Variants in DAB2IP observed in about 807,000 individuals in gnomAD.
DAB2IP encodes the protein disabled homolog 2-interacting protein.
Under a neutral mutation model 107.2 loss-of-function variants are expected in DAB2IP, and 28 were observed. The observed-to-expected ratio is 0.26, with a 90% confidence interval of 0.19 to 0.36. The LOEUF (loss-of-function observed/expected upper bound fraction) is 0.36. DAB2IP is among the 10% of genes least tolerant of loss of function. DAB2IP has a pLI of 1.00. For missense variants in DAB2IP, 1,400 were observed against 1,644.7 expected (o/e 0.85, Z 2.57); for synonymous variants, 755 against 706.4 (o/e 1.07, Z -1.09).
chr9:121,782,781 T>G lies in DAB2IP; in HGVS notation c.*283T>G. The G allele has an allele frequency of 7.8e-7, 1 of 1,279,380 alleles. No homozygotes were observed. Among genetic ancestry groups the G allele is most frequent in the Non-Finnish European group, 9.9e-7 (1 of 1,007,950 alleles). The allele number at this position is 1,279,380 out of a possible 1,614,324, so 79.3% of individuals were successfully genotyped here. A position where few individuals can be genotyped will look rare whatever the true frequency, so the allele number is the denominator to read the frequency against. On this transcript the variant is annotated 3_prime_UTR_variant, in exon 16 of 16. Coordinates refer to ENST00000408936, the Ensembl canonical transcript of DAB2IP. The surrounding 1 kb of genome is among the most constrained non-coding windows in gnomAD (Gnocchi z 6.1). ...GATGGGGCAGGGGGCCTGCCAAAAA[T>G]ATGTCTGTTGGTTCCTGAATGTGGT... is the stretch of plus-strand genomic sequence containing the variant.
At chr9:121,716,500 C>G (rs1830611072) in intron 3 of DAB2IP, among the ~76,000 whole-genome samples, 1 of 152,252 alleles carries the variant, frequency 6.6e-6, no homozygotes, top group South Asian at 2.1e-4. Context: ...GTTGCAGAGC[C>G]CAGCTCTTTG....
chr9:121,708,534 G>C (rs1830171025), intron 3 of DAB2IP, among the ~76,000 whole-genome samples: 1 of 152,216 alleles, frequency 6.6e-6, no homozygotes, highest in African/African-American at 2.4e-5. Context: ...GCATTTTGCA[G>C]CTGTGGTGGG....
chr9:121,574,357 A>G (rs10985323), intron 1 of DAB2IP, among the ~76,000 whole-genome samples: 4,076 of 152,176 alleles, frequency 0.027, 65 homozygotes, highest in South Asian at 0.043. Flanking sequence ...GCCTGCCTGG[A>G]ATGGGGAAGG....
chr9:121,642,994 G>A (rs1832415716), intron 1 of DAB2IP, among the ~76,000 whole-genome samples: 1 of 150,252 alleles, frequency 6.7e-6, no homozygotes, highest in African/African-American at 2.4e-5. Context: ...GAGGCAGCAG[G>A]AACTGGAGAT....
intron 3 of DAB2IP, among the ~76,000 whole-genome samples, chr9:121,704,422 C>G (rs906284055): frequency 6.6e-6 from 1 of 152,126 alleles, no homozygotes; most frequent in Non-Finnish European, 1.5e-5. Context: ...TGTTGGTGAT[C>G]GAATAGTGCT....
chr9:121,674,550 G>T (rs1359030617), intron 1 of DAB2IP, among the ~76,000 whole-genome samples: 1 of 152,180 alleles, frequency 6.6e-6, no homozygotes, highest in African/African-American at 2.4e-5. Context: ...AGGTGGAGGG[G>T]TGTAGCCAGG....
At chr9:121,724,872 G>A (rs1831144654) in intron 3 of DAB2IP, among the ~76,000 whole-genome samples, 1 of 152,162 alleles carries the variant, frequency 6.6e-6, no homozygotes, top group African/African-American at 2.4e-5. Context: ...GCCCAAAAAG[G>A]TGGGTAGGAT....
At chr9:121,644,886 G>A (rs1020703850) in intron 1 of DAB2IP, among the ~76,000 whole-genome samples, 7 of 152,192 alleles carry the variant, frequency 4.6e-5, no homozygotes, top group African/African-American at 1.7e-4. Context: ...TACAGGGCCC[G>A]TTCAGCTGTC....
Position 121,592,570 on chromosome 9 carries a change from G to T in DAB2IP, c.40+25342G>T, listed in dbSNP as rs1054167028. Among the ~76,000 whole-genome samples, 3 of 152,140 alleles carry T rather than the reference G, an allele frequency of 2.0e-5. No homozygotes were observed. In the East Asian group the frequency reaches 5.8e-4, roughly 29 times the overall value. The stretch of plus-strand genomic sequence containing the variant: ...CATTGGAACCCTTGAAGTACATGTT[G>T]TTCTTTTCCAGTGACCATATAGCCC... On this transcript the variant is annotated intron_variant, in intron 1 of 16. Transcript: ENST00000259371.
chr9:121,750,132 GT>G (rs1432825959), intron 3 of DAB2IP, among the ~76,000 whole-genome samples: 1 of 152,214 alleles, frequency 6.6e-6, no homozygotes, highest in Non-Finnish European at 1.5e-5. Context: ...AGGAAGGTGT[GT>G]CGTTATCCTC....
chr9:121,569,800 G>A (rs1042791398), intron 1 of DAB2IP, among the ~76,000 whole-genome samples: 1 of 152,224 alleles, frequency 6.6e-6, no homozygotes, highest in Non-Finnish European at 1.5e-5. Context: ...CAGCCTGGGC[G>A]ACAGAGAGCG....
chr9:121,761,583 C>G (rs1365439966), intron 6 of DAB2IP, among the ~76,000 whole-genome samples: 1 of 152,222 alleles, frequency 6.6e-6, no homozygotes, highest in Non-Finnish European at 1.5e-5. Flanking sequence ...TGCAGCCCCC[C>G]TCCCTCTTGC....
intron 3 of DAB2IP, chr9:121,752,985 C>G (rs1190150591): frequency 6.6e-6 from 1 of 152,236 alleles, no homozygotes. Flanking sequence ...CCCTCCCTGG[C>G]AGGCCTCAGT....
At position 121,636,861 on chromosome 9, in the gene DAB2IP, A is replaced by T. The variant is rs142909897; in HGVS notation, c.41-41817A>T. Among the ~76,000 whole-genome samples the T allele has an allele frequency of 2.6e-3, 399 of 152,250 alleles. 2 individuals are homozygous for T. The highest frequency in any genetic ancestry group is 9.0e-3 in the African/African-American group (373 of 41,540). On this transcript the variant is annotated intron_variant, in intron 1 of 16. Transcript: ENST00000259371. ...AGTGCAGTCTCATTCAAGTCTTGTGACAGTTCTGGGAGGATAGTATTCAGA... is the reference window on the plus strand; with the variant it reads ...AGTGCAGTCTCATTCAAGTCTTGTGTCAGTTCTGGGAGGATAGTATTCAGA...
chr9:121,776,506 A>G lies in DAB2IP; in HGVS notation c.3314+115A>G. 4 of 1,200,548 alleles carry G rather than the reference A, an allele frequency of 3.3e-6. No homozygotes were observed. The highest frequency in any genetic ancestry group is 5.2e-5 in the East Asian group (2 of 38,730). 74.4% of individuals were successfully genotyped at this position (1,200,548 alleles called of 1,614,324 possible). A position where few individuals can be genotyped will look rare whatever the true frequency, so the allele number is the denominator to read the frequency against. ...CAAAGGATAAGCTGAATGTGGAGAG[A>G]GGAGGGAAGAGAGTGTCTGGGCAGT... On this transcript the variant is annotated intron_variant, in intron 14 of 15. Coordinates refer to ENST00000408936, the Ensembl canonical transcript of DAB2IP. This position sits in a 1 kb window ranked among gnomAD's most constrained non-coding sequence, Gnocchi z 5.4.
chr9:121,745,861 G>C, intron 3 of DAB2IP, among the ~76,000 whole-genome samples: 1 of 152,240 alleles, frequency 6.6e-6, no homozygotes, highest in Non-Finnish European at 1.5e-5. Context: ...CCAAATGGTG[G>C]CTGGAATTGA....
intron 3 of DAB2IP, among the ~76,000 whole-genome samples, chr9:121,728,253 A>G (rs1048999123): frequency 1.3e-5 from 2 of 152,082 alleles, no homozygotes; most frequent in African/African-American, 4.8e-5. Flanking sequence ...AACCCAGGTC[A>G]GTCTGTTGAT....
intron 1 of DAB2IP, among the ~76,000 whole-genome samples, chr9:121,606,056 A>T (rs1055866015): frequency 2.0e-5 from 3 of 152,126 alleles, no homozygotes; most frequent in African/African-American, 7.2e-5. Context: ...AAAAATATAT[A>T]CTAAGGTTGG....
At chr9:121,717,955 A>G (rs960037922) in intron 3 of DAB2IP, among the ~76,000 whole-genome samples, 2 of 151,952 alleles carry the variant, frequency 1.3e-5, no homozygotes, top group African/African-American at 4.8e-5. Flanking sequence ...TGTTTCCGGC[A>G]TGTCAGGTGT....
Sources: gnomAD v4.1 joint callset for allele counts (sites outside exome capture counted in the v4.1 genomes callset) on GRCh38, gnomAD v4.1.1 for gene constraint, Gnocchi (gnomAD v3.1) non-coding constraint, MANE v1.5 for transcripts, NCBI Gene and HGNC (gene_info 2026-07-23, HGNC 2026-07-21) for gene names.